TENT4A: variants seen among roughly 807,000 people sequenced by gnomAD.
TENT4A encodes the protein terminal nucleotidyltransferase 4A.
Under a neutral mutation model 72.8 loss-of-function variants are expected in TENT4A, and 7 were observed. The observed-to-expected ratio is 0.10, with a 90% confidence interval of 0.05 to 0.18. TENT4A has a LOEUF of 0.18. TENT4A is among the 10% of genes least tolerant of loss of function. The pLI is 1.00. For synonymous variants in TENT4A, 456 were observed against 434.3 expected, an observed-to-expected ratio of 1.05 and a Z score of -0.62; for missense variants, 831 against 1,017.7, an observed-to-expected ratio of 0.82 and a Z score of 2.50.
intron 5 of TENT4A, 87 bp from the exon 6 acceptor site, chr5:6,743,624 TC>T (rs1192829668): frequency 9.0e-7 from 1 of 1,109,890 alleles, no homozygotes; most frequent in African/African-American, 1.6e-5. Flanking sequence ...GAGGAAACTT[TC>T]CTTTCTGTCT....
At chr5:6,731,704 T>G (rs943515445) in intron 1 of TENT4A, among the ~76,000 whole-genome samples, 1 of 152,296 alleles carries the variant, frequency 6.6e-6, no homozygotes, top group African/African-American at 2.4e-5. Flanking sequence ...AACTCCTGGC[T>G]TGAAACTTCT....
chr5:6,748,179 G>A (rs1742208066), intron 7 of TENT4A, among the ~76,000 whole-genome samples: 1 of 152,220 alleles, frequency 6.6e-6, no homozygotes, highest in African/African-American at 2.4e-5. Context: ...TCTGTGAATG[G>A]CAGCCGCCTC....
intron 4 of TENT4A, among the ~76,000 whole-genome samples, chr5:6,741,029 G>A (rs924663801): frequency 2.6e-5 from 4 of 152,214 alleles, no homozygotes; most frequent in Admixed American, 2.0e-4. Context: ...AAGGGGCAGC[G>A]GGGAGGTGGG....
At chr5:6,742,855 C>T (rs754396484) in intron 5 of TENT4A, among the ~76,000 whole-genome samples, 9 of 152,218 alleles carry the variant, frequency 5.9e-5, no homozygotes, top group Non-Finnish European at 1.2e-4. Flanking sequence ...AATGTTCTTT[C>T]TAGTTATTAC....
At chr5:6,717,857 A>G (rs1740463215) in intron 1 of TENT4A, among the ~76,000 whole-genome samples, 1 of 152,224 alleles carries the variant, frequency 6.6e-6, no homozygotes, top group Non-Finnish European at 1.5e-5. Flanking sequence ...TCGTTCTAGC[A>G]GCTTTGGAAA....
chr5:6,727,288 C>G (rs147018621), intron 1 of TENT4A, among the ~76,000 whole-genome samples: 20 of 152,340 alleles, frequency 1.3e-4, no homozygotes, highest in African/African-American at 4.1e-4. Flanking sequence ...CCCCTCCCAC[C>G]TTGCCCCTGG....
chr5:6,727,179 G>A (rs983512394), intron 1 of TENT4A, among the ~76,000 whole-genome samples: 1 of 152,128 alleles, frequency 6.6e-6, no homozygotes, highest in Non-Finnish European at 1.5e-5. Flanking sequence ...TCCGTGCTGG[G>A]CTCCCTCTTC....
intron 1 of TENT4A, among the ~76,000 whole-genome samples, chr5:6,729,698 CTG>C (rs1741109855): frequency 6.6e-6 from 1 of 152,216 alleles, no homozygotes; most frequent in African/African-American, 2.4e-5. Flanking sequence ...CTTTCAGAGT[CTG>C]TGGGCCCTTG....
intron 1 of TENT4A, among the ~76,000 whole-genome samples, chr5:6,728,686 C>T (rs7706331): frequency 0.032 from 4,804 of 152,256 alleles, 111 homozygotes; most frequent in Non-Finnish European, 0.05. Context: ...AGAGGGAGCC[C>T]CTGCTGGTGT....
At chr5:6,736,404 G>A (rs137986884) in intron 1 of TENT4A, among the ~76,000 whole-genome samples, 1 of 152,290 alleles carries the variant, frequency 6.6e-6, no homozygotes, top group African/African-American at 2.4e-5. Context: ...CCAGCTGTTC[G>A]TTGGCCCTGT....
At chr5:6,731,542 C>CTT (rs375328687) in intron 1 of TENT4A, among the ~76,000 whole-genome samples, 27,230 of 143,854 alleles carry the variant, frequency 0.19, 2,685 homozygotes, top group Non-Finnish European at 0.23. Context: ...GGTGCTGAAA[C>CTT]TTTTTTTTTT....
intron 1 of TENT4A, among the ~76,000 whole-genome samples, chr5:6,722,231 A>T (rs1437006517): frequency 6.6e-6 from 1 of 152,108 alleles, no homozygotes; most frequent in Non-Finnish European, 1.5e-5. Context: ...TACATGAAAG[A>T]CTTGGAAGCA....
At chr5:6,742,864 A>G (rs1741883861) in intron 5 of TENT4A, among the ~76,000 whole-genome samples, 1 of 152,240 alleles carries the variant, frequency 6.6e-6, no homozygotes, top group Non-Finnish European at 1.5e-5. Context: ...TCTAGTTATT[A>G]CAGACTTTGC....
intron 6 of TENT4A, among the ~76,000 whole-genome samples, chr5:6,744,664 G>C (rs1162226184): frequency 1.3e-5 from 2 of 152,176 alleles, no homozygotes; most frequent in East Asian, 1.9e-4. Context: ...TCCTTGGTCT[G>C]TCTCTGCCAA....
chr5:6,753,864 A>G (rs1230247578), intron 12 of TENT4A, among the ~76,000 whole-genome samples: 1 of 152,252 alleles, frequency 6.6e-6, no homozygotes, highest in Non-Finnish European at 1.5e-5. Flanking sequence ...CGATAGACAC[A>G]TTCAGGGTGA....
intron 1 of TENT4A, among the ~76,000 whole-genome samples, chr5:6,723,806 G>A (rs1028466921): frequency 3.9e-5 from 6 of 152,230 alleles, no homozygotes; most frequent in Non-Finnish European, 8.8e-5. Flanking sequence ...TCATAGGGAA[G>A]CCAGTCCTGC....
At chr5:6,736,499 T>A (rs909891723) in intron 1 of TENT4A, among the ~76,000 whole-genome samples, 2 of 152,256 alleles carry the variant, frequency 1.3e-5, no homozygotes, top group Admixed American at 6.5e-5. Flanking sequence ...AGTCATAGAA[T>A]GGAAGCAGGT....
chr5:6,726,475 GCAGGGCATCCTA>G (rs1011222364), intron 1 of TENT4A, among the ~76,000 whole-genome samples: 84 of 152,260 alleles, frequency 5.5e-4, no homozygotes, highest in African/African-American at 1.9e-3. Context: ...CTGTGGTCCT[GCAGGGCATCCTA>G]CAGTGTCCTC....
At chr5:6,741,735 A>G (rs571026700) in intron 4 of TENT4A, among the ~76,000 whole-genome samples, 4 of 152,338 alleles carry the variant, frequency 2.6e-5, no homozygotes, top group Admixed American at 2.6e-4. Flanking sequence ...TGTGTACTGA[A>G]TGCACTGTCC....
Sources: allele counts gnomAD v4.1 joint callset (sites outside exome capture counted in the v4.1 genomes callset), GRCh38; gene constraint gnomAD v4.1.1; transcripts MANE v1.5; gene names NCBI Gene and HGNC (gene_info 2026-07-23, HGNC 2026-07-21).